The following DNAH5 variants were observed in gnomAD, a reference collection of about 807,000 sequenced individuals.
DNAH5 encodes axonemal beta dynein heavy chain 5.
Under a neutral mutation model 518.2 loss-of-function variants are expected in DNAH5, and 372 were observed. The observed-to-expected ratio is 0.72, with a 90% CI of 0.66 to 0.78. DNAH5 has a LOEUF of 0.78. DNAH5 is among the 30% of genes least tolerant of loss of function. The pLI is 0.00. For missense variants in DNAH5, 5,523 were observed against 5,687.0 expected (o/e 0.97, Z 0.93); for synonymous variants, 2,039 against 2,025.9 (o/e 1.01, Z -0.17).
chr5:13,784,700 A>C (rs1479075058), intron 52 of DNAH5, among the ~76,000 whole-genome samples: 2 of 152,232 alleles, frequency 1.3e-5, no homozygotes, highest in Non-Finnish European at 2.9e-5. Flanking sequence ...AAATCATGGA[A>C]GACAGTGTCG....
intron 27 of DNAH5, 70 bp from the exon 28 acceptor site, chr5:13,864,707 G>A: frequency 6.5e-7 from 1 of 1,541,272 alleles, no homozygotes; most frequent in South Asian, 1.1e-5. Flanking sequence ...AAGACGGTCT[G>A]CTAGTATTTC....
At position 13,735,331 on chromosome 5, in the gene DNAH5, A is replaced by G. The variant is rs1268342609; in HGVS notation, c.11571-10T>C. On this transcript the variant is annotated splice_polypyrimidine_tract_variant and intron_variant, in intron 67 of 78. Coordinates refer to ENST00000265104, the MANE Select transcript of DNAH5 (RefSeq NM_001369.3). ...CGGGCTCTTGACAGACCTGGTGAAT[A>G]GAATATTTAAATCAGGCTTATCCCA... The G allele has an allele frequency of 4.3e-6, 7 of 1,613,466 alleles. No homozygotes were observed. The highest frequency in any genetic ancestry group is 5.9e-6 in the Non-Finnish European group (7 of 1,179,574).
At position 13,882,946 on chromosome 5, in the gene DNAH5, G is replaced by C. The variant is rs372098767; in HGVS notation, c.3132C>G (p.Val1044=). 20 of 1,614,006 alleles carry C rather than the reference G, an allele frequency of 1.2e-5. No individual in the cohort carries two copies. The highest frequency in any genetic ancestry group is 1.6e-5 in the Non-Finnish European group (19 of 1,180,032). The change falls in exon 20 of 79, where the codon GTC becomes GTG. Residue 1044 remains valine (V), a synonymous_variant. Transcript: ENST00000265104. ...TGCTCCACTGTCTGACCCCCTTAGGGACACTGATGATGCACTCCACGGCTT... is the reference window on the plus strand; with the variant it reads ...TGCTCCACTGTCTGACCCCCTTAGGCACACTGATGATGCACTCCACGGCTT... ...LNKAVECIIS[V]PKGVRQWSSE... is the part of the protein sequence containing the mutation.
intron 53 of DNAH5, among the ~76,000 whole-genome samples, chr5:13,777,719 A>G (rs536874358): frequency 6.6e-6 from 1 of 152,362 alleles, no homozygotes; most frequent in African/African-American, 2.4e-5. Flanking sequence ...ATTTGAGATG[A>G]CAACTCATAA....
At chr5:13,814,414 G>A (rs1412475486) in intron 43 of DNAH5, among the ~76,000 whole-genome samples, 191 bp downstream of exon 43, 1 of 152,198 alleles carries the variant, frequency 6.6e-6, no homozygotes, top group Non-Finnish European at 1.5e-5. Context: ...AAAGTGATTG[G>A]AAGAGTAATG....
intron 12 of DNAH5, among the ~76,000 whole-genome samples, chr5:13,908,437 C>T (rs966513389): frequency 1.1e-4 from 16 of 152,156 alleles, no homozygotes; most frequent in Admixed American, 2.0e-4. Flanking sequence ...GTTTTCCTTG[C>T]CTTTCTACCC....
intron 61 of DNAH5, among the ~76,000 whole-genome samples, chr5:13,755,431 T>C (rs1388950448): frequency 6.6e-6 from 1 of 152,196 alleles, no homozygotes; most frequent in Admixed American, 6.5e-5. Context: ...AAAATGGCAT[T>C]TCTAAATTAT....
intron 30 of DNAH5, among the ~76,000 whole-genome samples, chr5:13,857,172 T>C (rs1173911871): frequency 1.3e-5 from 2 of 152,172 alleles, no homozygotes. Context: ...AGTCTCAGGA[T>C]ACAAAATCAA....
intron 1 of DNAH5, among the ~76,000 whole-genome samples, chr5:13,933,802 A>AC (rs1474743589): frequency 2.0e-5 from 3 of 151,742 alleles, no homozygotes; most frequent in Admixed American, 6.6e-5. Flanking sequence ...AAAAAAAAAA[A>AC]AAAAAAACTA....
At chr5:13,818,100 T>A (rs6554816) in intron 41 of DNAH5, among the ~76,000 whole-genome samples, 58,717 of 152,082 alleles carry the variant, frequency 0.39, 11,477 homozygotes, top group East Asian at 0.61. Flanking sequence ...TTGATTTGTG[T>A]TATGTTTTCT....
chr5:13,902,209 G>T, intron 12 of DNAH5, 71 bp from the exon 13 acceptor site: 1 of 1,146,102 alleles, frequency 8.7e-7, no homozygotes, highest in Non-Finnish European at 1.3e-6. Context: ...AGATAAAAGA[G>T]CTTTCCATTC....
intron 1 of DNAH5, among the ~76,000 whole-genome samples, chr5:13,943,968 C>G (rs146197204): frequency 5.4e-4 from 82 of 152,312 alleles, no homozygotes; most frequent in African/African-American, 1.9e-3. Flanking sequence ...ACCTCATTTG[C>G]AGGCATATAG....
chr5:13,978,554 C>T (rs1047244594), intron 1 of DNAH5, among the ~76,000 whole-genome samples: 20 of 152,162 alleles, frequency 1.3e-4, no homozygotes, highest in East Asian at 3.8e-4. Context: ...TTTCAGTCAA[C>T]GATGGACTGC....
intron 68 of DNAH5, among the ~76,000 whole-genome samples, chr5:13,734,563 T>C (rs1301559327): frequency 6.6e-6 from 1 of 152,158 alleles, no homozygotes; most frequent in Non-Finnish European, 1.5e-5. Context: ...CACTTTGTTT[T>C]ATCTACATCA....
chr5:13,971,304 T>C (rs988939814), intron 1 of DNAH5, among the ~76,000 whole-genome samples: 7 of 152,238 alleles, frequency 4.6e-5, no homozygotes, highest in Non-Finnish European at 8.8e-5. Flanking sequence ...TTTGAATCCA[T>C]TGCTGATCAG....
upstream of DNAH5, among the ~76,000 whole-genome samples, chr5:13,948,133 T>C (rs988039818): frequency 8.5e-5 from 13 of 152,218 alleles, no homozygotes; most frequent in Admixed American, 2.6e-4. Context: ...GGTTGTTTTC[T>C]AGAAATCTTC....
rs888172073 is a variant in DNAH5 at position 13,750,959 on chromosome 5, A to T, written c.11211+119T>A. The T allele has an allele frequency of 5.2e-6, 6 of 1,161,660 alleles. No homozygotes were observed. The Admixed American group carries it at 1.3e-4, about 25-fold the overall frequency. The allele number at this position is 1,161,660 out of a possible 1,614,324, so 72.0% of individuals were successfully genotyped here. ...AAAACACTTGGAGATTAATGGAAAA[A>T]AACACAGGGAATAAAAGGAGAGAAA... On this transcript the variant is annotated intron_variant, in intron 65 of 78. Transcript: ENST00000265104.
At chr5:13,756,006 T>G (rs1750945176) in intron 61 of DNAH5, among the ~76,000 whole-genome samples, 1 of 152,212 alleles carries the variant, frequency 6.6e-6, no homozygotes, top group Admixed American at 6.5e-5. Context: ...CCCAGCCTGT[T>G]GAGGGGAGCA....
At chr5:13,825,824 C>T (rs1036052881) in intron 38 of DNAH5, among the ~76,000 whole-genome samples, 1 of 152,054 alleles carries the variant, frequency 6.6e-6, no homozygotes, top group Non-Finnish European at 1.5e-5. Context: ...TTGAATTGTA[C>T]ACTAAAAATG....
Sources: gnomAD v4.1 joint callset for allele counts (sites outside exome capture counted in the v4.1 genomes callset) on GRCh38, gnomAD v4.1.1 for gene constraint, MANE v1.5 for transcripts, NCBI Gene and HGNC (gene_info 2026-07-23, HGNC 2026-07-21) for gene names.